The following PECAM1 variants were observed in gnomAD, a reference collection of about 807,000 sequenced individuals.
PECAM1 encodes the protein platelet endothelial cell adhesion molecule.
A neutral mutation model predicts 13.8 loss-of-function variants in PECAM1; 8 were observed. The observed-to-expected ratio is 0.58, with a 90% CI of 0.34 to 1.05. The LOEUF is 1.05. Among genes scored for constraint, PECAM1 ranks in the 50% least tolerant of loss-of-function variants. PECAM1 has a pLI of 0.03. For synonymous variants in PECAM1, 136 were observed against 52.6 expected (o/e 2.58, Z -6.86); for missense variants, 304 against 141.2 (o/e 2.15, Z -5.84).
intron 6 of PECAM1, among the ~76,000 whole-genome samples, chr17:64,362,478 T>A (rs1268723788): frequency 6.6e-6 from 1 of 152,010 alleles, no homozygotes; most frequent in East Asian, 1.9e-4. Flanking sequence ...TGAAACCCCA[T>A]CTCTACTAAA....
Position 64,384,310 on chromosome 17 carries a change from C to T in PECAM1, c.91+6179G>A, listed in dbSNP as rs1374682610. Among the ~76,000 whole-genome samples, 4 of 152,014 alleles carry T rather than the reference C, an allele frequency of 2.6e-5. No homozygotes were observed. In the East Asian group the frequency reaches 5.8e-4, roughly 22 times the overall value. ...CTCTTCATCTTAACACAAATATCAT[C>T]GACAAAACAACAAAAACAGTGACCT... On this transcript the variant is annotated intron_variant, in intron 2 of 15. Transcript: ENST00000563924.
rs1052584720 is a variant in PECAM1 at position 64,337,166 on chromosome 17, C to A, written c.2164+4468G>T. On this transcript the variant is annotated intron_variant, in intron 14 of 15. Transcript: ENST00000563924. Reference sequence around the variant, plus strand: ...AGGCAGCTGCAGGCCCCGAGGGCTACAGCCTGTGCAAGAACCAGGGCTCTC... The same window carrying A: ...AGGCAGCTGCAGGCCCCGAGGGCTAAAGCCTGTGCAAGAACCAGGGCTCTC... Among the ~76,000 whole-genome samples the A allele has an allele frequency of 5.8e-3, 883 of 152,260 alleles. 10 individuals carry two copies. The highest frequency in any genetic ancestry group is 9.5e-3 in the Non-Finnish European group (645 of 68,022).
At chr17:64,384,404 G>A (rs8066583) in intron 2 of PECAM1, among the ~76,000 whole-genome samples, 84,778 of 151,846 alleles carry the variant, frequency 0.56, 23,850 homozygotes, top group Middle Eastern at 0.65. Flanking sequence ...CCCCCCAATG[G>A]TCCTTGCCCT....
chr17:64,327,959 C>G (rs1396144693), intron 15 of PECAM1, among the ~76,000 whole-genome samples: 1 of 152,232 alleles, frequency 6.6e-6, no homozygotes, highest in Non-Finnish European at 1.5e-5. Flanking sequence ...ATACCTGCTT[C>G]TTTTATAAAC....
chr17:64,361,835 T>C (rs1183917436), intron 6 of PECAM1, among the ~76,000 whole-genome samples: 6 of 151,700 alleles, frequency 4.0e-5, no homozygotes, highest in Non-Finnish European at 8.8e-5. Context: ...TATTAGGTCA[T>C]TATTTAGGCA....
intron 14 of PECAM1, among the ~76,000 whole-genome samples, chr17:64,341,328 C>G (rs2035424633): frequency 6.6e-6 from 1 of 151,988 alleles, no homozygotes; most frequent in African/African-American, 2.4e-5. Flanking sequence ...GTCTCCAAAG[C>G]AAAACACTCG....
chr17:64,368,433 A>G (rs2143840260), intron 5 of PECAM1, among the ~76,000 whole-genome samples: 1 of 152,032 alleles, frequency 6.6e-6, no homozygotes, highest in Admixed American at 6.6e-5. Flanking sequence ...CTCTTGTTCT[A>G]CCCCCTTGGT....
At chr17:64,369,482 A>C (rs2036189741) in intron 5 of PECAM1, among the ~76,000 whole-genome samples, 1 of 152,214 alleles carries the variant, frequency 6.6e-6, no homozygotes, top group African/African-American at 2.4e-5. Flanking sequence ...GCGCTGCGGC[A>C]CGTTCAATAA....
chr17:64,368,771 T>C (rs1215254969), intron 5 of PECAM1, among the ~76,000 whole-genome samples: 1 of 150,460 alleles, frequency 6.6e-6, no homozygotes, highest in African/African-American at 2.4e-5. Flanking sequence ...GAGAATTACT[T>C]GAACCTGGGA....
intron 13 of PECAM1, among the ~76,000 whole-genome samples, chr17:64,347,716 A>T (rs1178560010): frequency 7.0e-6 from 1 of 143,124 alleles, no homozygotes; most frequent in African/African-American, 2.6e-5. Context: ...TATTATATAT[A>T]TTATATATTT....
intron 15 of PECAM1, among the ~76,000 whole-genome samples, chr17:64,324,613 T>C (rs1555645240): frequency 6.6e-6 from 1 of 152,206 alleles, no homozygotes; most frequent in African/African-American, 2.4e-5. Context: ...TGTACCCGTT[T>C]GAGGCCTGTT....
At chr17:64,378,662 T>C (rs2036416471) in intron 2 of PECAM1, 1 of 149,678 alleles carries the variant, frequency 6.7e-6, no homozygotes, top group African/African-American at 2.5e-5. Context: ...AAAAAAAAGA[T>C]ATAGGCATTC....
chr17:64,331,936 G>C (rs984044161), intron 14 of PECAM1, among the ~76,000 whole-genome samples: 12 of 152,320 alleles, frequency 7.9e-5, no homozygotes, highest in African/African-American at 2.9e-4. Context: ...AGAAAAGTAC[G>C]CCAAGGGGCC....
At chr17:64,387,337 G>T (rs914387723) in intron 2 of PECAM1, among the ~76,000 whole-genome samples, 2 of 152,114 alleles carry the variant, frequency 1.3e-5, no homozygotes, top group South Asian at 2.1e-4. Context: ...TGAGAGGTGA[G>T]GTGGGTAGGC....
At chr17:64,360,071 C>T (rs1180327024) in intron 7 of PECAM1, 69 bp downstream of exon 7, 10 of 474,756 alleles carry the variant, frequency 2.1e-5, no homozygotes, top group Non-Finnish European at 3.5e-5. Context: ...TCTTATTGTT[C>T]CCACAGTCCC....
chr17:64,356,346 A>G lies in PECAM1; in HGVS notation c.1545T>C (p.Ser515=), dbSNP rs1223505836. 1.3e-5 allele frequency: 6 copies of G among 473,832 alleles called. No homozygotes were observed. Among genetic ancestry groups the G allele is most frequent in the Non-Finnish European group, 1.9e-5 (5 of 258,562 alleles). The allele number at this position is 473,832 out of a possible 1,614,324, so 29.4% of individuals were successfully genotyped here. The change falls in exon 8 of 16, where the codon TCT becomes TCC. Residue 515 remains serine (S), a synonymous_variant. Coordinates refer to ENST00000563924, the MANE Select transcript of PECAM1 (RefSeq NM_000442.5). The part of the protein sequence containing the change: ...ISILSSKVVE[S]GEDIVLQCAV... Reference sequence around the variant, plus strand: ...CACATTGCAGCACAATGTCCTCTCCAGACTCCACCACCTTACTTGACAGGA... The same window carrying G: ...CACATTGCAGCACAATGTCCTCTCCGGACTCCACCACCTTACTTGACAGGA...
chr17:64,337,912 C>G (rs1273609674), intron 14 of PECAM1, among the ~76,000 whole-genome samples: 10 of 140,564 alleles, frequency 7.1e-5, no homozygotes, highest in Non-Finnish European at 1.4e-4. Flanking sequence ...CTACTTCTTC[C>G]TTTTTTTTTT....
At chr17:64,365,591 A>G (rs1176345173) in intron 5 of PECAM1, among the ~76,000 whole-genome samples, 1 of 152,168 alleles carries the variant, frequency 6.6e-6, no homozygotes, top group African/African-American at 2.4e-5. Context: ...GGCTACAGTA[A>G]CCAAAACAGC....
intron 15 of PECAM1, among the ~76,000 whole-genome samples, chr17:64,324,582 C>A (rs142159637): frequency 4.9e-4 from 74 of 152,312 alleles, no homozygotes; most frequent in Admixed American, 6.5e-4. Flanking sequence ...AGCTCCAGTT[C>A]TGTCTCTAGC....
Sources: gnomAD v4.1 joint callset for allele counts (sites outside exome capture counted in the v4.1 genomes callset) on GRCh38, gnomAD v4.1.1 for gene constraint, MANE v1.5 for transcripts, NCBI Gene and HGNC (gene_info 2026-07-23, HGNC 2026-07-21) for gene names.